Variants in ZNF131 observed in about 807,000 individuals in gnomAD.
ZNF131 encodes zinc finger and BTB domain containing 35, also known as zinc finger protein 131.
Under a neutral mutation model 60.0 loss-of-function variants are expected in ZNF131, and 7 were observed. That is an observed-to-expected ratio of 0.12 (90% CI 0.07 to 0.22). The LOEUF is 0.22. Among genes scored for constraint, ZNF131 ranks in the 10% least tolerant of loss-of-function variants. The probability of loss-of-function intolerance (pLI) is 1.00; values close to 1 mark genes in which losing one functional copy is unlikely to be tolerated. For missense variants in ZNF131, 493 were observed against 740.9 expected (o/e 0.67, Z 3.88); for synonymous variants, 257 against 253.2 (o/e 1.01, Z -0.14).
At chr5:43,130,490 A>G (rs892474692) in intron 3 of ZNF131, among the ~76,000 whole-genome samples, 2 of 152,156 alleles carry the variant, frequency 1.3e-5, no homozygotes, top group African/African-American at 4.8e-5. Flanking sequence ...CTGAGTGTTA[A>G]TAGTGCTGGT....
chr5:43,150,071 C>G (rs1466338035), intron 4 of ZNF131, among the ~76,000 whole-genome samples: 3 of 152,140 alleles, frequency 2.0e-5, no homozygotes, highest in African/African-American at 7.2e-5. Flanking sequence ...GTTCCCTGTC[C>G]CCCTAGTCCC....
rs377096314 is a variant in ZNF131 at position 43,127,955 on chromosome 5, C to A, written c.226+4645C>A. Among the ~76,000 whole-genome samples, 15 of 152,322 alleles carry A rather than the reference C, an allele frequency of 9.8e-5. No homozygotes were observed. The South Asian group carries it at 3.1e-3, about 32-fold the overall frequency. The stretch of plus-strand genomic sequence containing the variant: ...ACCATGGTGTCCAGAAATTTTAGCC[C>A]CTACTATCAAGAACAAAACATCCTT... On this transcript the variant is annotated intron_variant, in intron 3 of 6. Coordinates refer to ENST00000682664, the MANE Select transcript of ZNF131 (RefSeq NM_001330707.2).
chr5:43,163,848 G>T (rs189860661), intron 5 of ZNF131, among the ~76,000 whole-genome samples: 323 of 152,288 alleles, frequency 2.1e-3, no homozygotes, highest in African/African-American at 7.4e-3. Flanking sequence ...AGAGCTTCTG[G>T]TAAAAGTTTT....
chr5:43,123,213 C>T lies in ZNF131; in HGVS notation c.129C>T (p.His43=). Reference sequence around the variant, plus strand: ...TTTTTTTCTTATTTTACCTAGGACACCATTTTAAGGCTCACAAGGCTGTTT... The same window carrying T: ...TTTTTTTCTTATTTTACCTAGGACATCATTTTAAGGCTCACAAGGCTGTTT... The part of the protein sequence containing the change: ...FTDITLIVDG[H]HFKAHKAVLA... The change falls in exon 3 of 7, where the codon CAC becomes CAT. Residue 43 remains histidine, a synonymous_variant. Coordinates refer to ENST00000682664, the MANE Select transcript of ZNF131 (RefSeq NM_001330707.2). 6.3e-7 allele frequency: 1 copy of T among 1,598,318 alleles called. No homozygotes were observed. The highest frequency in any genetic ancestry group is 1.1e-5 in the South Asian group (1 of 87,110).
intron 3 of ZNF131, among the ~76,000 whole-genome samples, chr5:43,128,962 C>T (rs1445315493): frequency 6.6e-6 from 1 of 152,100 alleles, no homozygotes; most frequent in Non-Finnish European, 1.5e-5. Flanking sequence ...GACGGAGTCT[C>T]ACTCTGTTGC....
At chr5:43,147,969 ACTTGAACTTGGGAGGCAGAGGTTGCAGT>A (rs898156089) in intron 4 of ZNF131, among the ~76,000 whole-genome samples, 1 of 149,942 alleles carries the variant, frequency 6.7e-6, no homozygotes, top group African/African-American at 2.5e-5. Flanking sequence ...CAGGAGAATC[ACTTGAACTTGGGAGGCAGAGGTTGCAGT>A]GAGCCAAGAT....
chr5:43,171,027 C>T (rs1013474774), intron 5 of ZNF131, among the ~76,000 whole-genome samples: 1 of 151,502 alleles, frequency 6.6e-6, no homozygotes, highest in Non-Finnish European at 1.5e-5. Context: ...TCACTGCAAC[C>T]CCTGCCTCCT....
At chr5:43,140,542 A>G (rs571358613) in intron 4 of ZNF131, among the ~76,000 whole-genome samples, 1 of 152,314 alleles carries the variant, frequency 6.6e-6, no homozygotes, top group South Asian at 2.1e-4. Flanking sequence ...TCTAAGTATG[A>G]ACTATTATCT....
In ZNF131 at chr5:43,175,455, G is replaced by A. The variant is rs1751475789; in HGVS notation, c.*322G>A. The A allele has an allele frequency of 5.7e-6, 4 of 698,894 alleles. No individual in the cohort carries two copies. In the South Asian group the frequency reaches 6.0e-5, roughly 10 times the overall value. The allele number at this position is 698,894 out of a possible 1,614,324, so 43.3% of individuals were successfully genotyped here. On this transcript the variant is annotated 3_prime_UTR_variant, in exon 7 of 7. Coordinates refer to ENST00000682664, the MANE Select transcript of ZNF131 (RefSeq NM_001330707.2). ...AAAGTTCTTCCTTTTCTCTTTCCCA[G>A]GTCATGTTCTTCCTCAAATTTTTTC...
intron 4 of ZNF131, 63 bp from the exon 5 acceptor site, chr5:43,161,186 C>G: frequency 7.0e-7 from 1 of 1,434,920 alleles, no homozygotes; most frequent in Non-Finnish European, 9.4e-7. Flanking sequence ...TTATCAGTTT[C>G]TTCAAAAAAG....
At chr5:43,121,994 C>T (rs780447324) in intron 1 of ZNF131, 45 bp from the exon 2 acceptor site, 1 of 1,577,320 alleles carries the variant, frequency 6.3e-7, no homozygotes, top group African/African-American at 1.4e-5. Flanking sequence ...TTTTGTTCCT[C>T]GGCTCGAGCT....
At chr5:43,166,317 G>C (rs568761270) in intron 5 of ZNF131, among the ~76,000 whole-genome samples, 1 of 151,998 alleles carries the variant, frequency 6.6e-6, no homozygotes, top group East Asian at 1.9e-4. Flanking sequence ...TGCTCTCACA[G>C]GCTTCATCAC....
At chr5:43,134,025 C>G (rs1423293354) in intron 3 of ZNF131, among the ~76,000 whole-genome samples, 1 of 152,084 alleles carries the variant, frequency 6.6e-6, no homozygotes, top group African/African-American at 2.4e-5. Context: ...TTTCCAAATT[C>G]ATTAGTAGGC....
rs1217200973 is a variant in ZNF131, at chr5:43,139,154, C to T, written c.227-11C>T. On this transcript the variant is annotated splice_polypyrimidine_tract_variant and intron_variant, in intron 3 of 6. Coordinates refer to ENST00000682664, the MANE Select transcript of ZNF131 (RefSeq NM_001330707.2). ...TATGATTACATGCTCTAATGTACAT[C>T]TTCTTTACAGGTGTTAGTAAAATGG... 3.8e-6 allele frequency: 6 copies of T among 1,576,784 alleles called. No homozygotes were observed. Among genetic ancestry groups the T allele is most frequent in the Non-Finnish European group, 4.3e-6 (5 of 1,163,728 alleles).
At position 43,175,415 on chromosome 5, in the gene ZNF131, A is replaced by G. The variant is rs551154512; in HGVS notation, c.*282A>G. 26 of 695,594 alleles carry G rather than the reference A, an allele frequency of 3.7e-5. No homozygotes were observed. Among genetic ancestry groups the G allele is most frequent in the Non-Finnish European group, 5.5e-5 (21 of 383,986 alleles). 43.1% of individuals were successfully genotyped at this position (695,594 alleles called of 1,614,324 possible). On this transcript the variant is annotated 3_prime_UTR_variant, in exon 7 of 7. Transcript: ENST00000682664. The stretch of plus-strand genomic sequence containing the variant: ...TATATAGTTGGGTACGAATGTATCT[A>G]TTTTCATTGTGGTAAAAGTTCTTCC...
At chr5:43,146,863 G>A (rs183611010) in intron 4 of ZNF131, among the ~76,000 whole-genome samples, 53 of 152,114 alleles carry the variant, frequency 3.5e-4, no homozygotes, top group African/African-American at 1.0e-3. Flanking sequence ...CCGAGATCAC[G>A]CCATTGCATT....
At chr5:43,123,401 T>A (rs764531442) in intron 3 of ZNF131, 91 bp downstream of exon 3, 1 of 1,129,690 alleles carries the variant, frequency 8.9e-7, no homozygotes, top group African/African-American at 1.6e-5. Context: ...AGCAAACAAT[T>A]GGTGAAGCAG....
intron 4 of ZNF131, among the ~76,000 whole-genome samples, chr5:43,145,236 T>A (rs1747433071): frequency 6.6e-6 from 1 of 152,170 alleles, no homozygotes; most frequent in Non-Finnish European, 1.5e-5. Context: ...CTTATCCCAC[T>A]CTGCAAAACA....
Position 43,174,890 on chromosome 5 carries a change from G to A in ZNF131, c.1629G>A (p.Leu543=), listed in dbSNP as rs551832075. 3 of 1,614,172 alleles carry A rather than the reference G, an allele frequency of 1.9e-6. No homozygotes were observed. The Admixed American group carries it at 5.0e-5, about 27-fold the overall frequency. ...EEGTEVHVEE[L]HVERVNQMPV... ...GTACTGAAGTACATGTAGAGGAGCT[G>A]CATGTTGAACGGGTCAATCAAATGC... Residue 543 remains leucine, a synonymous_variant, in exon 7 of 7, where the codon CTG becomes CTA. Transcript: ENST00000682664.
Sources: gnomAD v4.1 joint callset for allele counts (sites outside exome capture counted in the v4.1 genomes callset) on GRCh38, gnomAD v4.1.1 for gene constraint, MANE v1.5 for transcripts, NCBI Gene and HGNC (gene_info 2026-07-23, HGNC 2026-07-21) for gene names.